Variants in AFG2A observed in about 807,000 individuals in gnomAD.
The protein encoded by AFG2A is AAA ATPase AFG2A, also known as ATPase family gene 2 protein homolog A.
At chr4:123,270,635 GA>G in the AFG2A span, among the ~76,000 whole-genome samples, 3 of 151,632 alleles carry the variant, frequency 2.0e-5, no homozygotes, top group Non-Finnish European at 4.4e-5. Flanking sequence ...ACTTAAGCAG[GA>G]AAAAAAATAA....
the AFG2A span, among the ~76,000 whole-genome samples, chr4:123,072,264 CAT>C: frequency 6.6e-6 from 1 of 152,158 alleles, no homozygotes; most frequent in Non-Finnish European, 1.5e-5. Flanking sequence ...GCAACTTACA[CAT>C]GTGTCAACTC....
At chr4:122,941,741 G>A in the AFG2A span, among the ~76,000 whole-genome samples, 1 of 151,302 alleles carries the variant, frequency 6.6e-6, no homozygotes, top group Non-Finnish European at 1.5e-5. Flanking sequence ...TCCAGTTTTT[G>A]CCTATTCAGT....
the AFG2A span, among the ~76,000 whole-genome samples, chr4:123,220,633 A>AAAAAC: frequency 2.3e-4 from 34 of 147,778 alleles, no homozygotes; most frequent in African/African-American, 8.2e-4. Flanking sequence ...AAAAAAAAAA[A>AAAAAC]AAAACCTGGA....
chr4:123,290,406 C>T, the AFG2A span, among the ~76,000 whole-genome samples: 1 of 152,122 alleles, frequency 6.6e-6, no homozygotes, highest in Non-Finnish European at 1.5e-5. Context: ...TTTCATTCTC[C>T]TGTGTATGGC....
the AFG2A span, among the ~76,000 whole-genome samples, chr4:123,238,034 T>C: frequency 1.3e-5 from 2 of 152,248 alleles, no homozygotes; most frequent in African/African-American, 2.4e-5. Context: ...CTCCCGTGCC[T>C]GGCTTGGCAG....
chr4:123,196,543 T>C, the AFG2A span, among the ~76,000 whole-genome samples: 1 of 152,132 alleles, frequency 6.6e-6, no homozygotes, highest in Non-Finnish European at 1.5e-5. Flanking sequence ...ATTTTTTTTT[T>C]CCACATGAGA....
At chr4:122,982,972 A>AT in the AFG2A span, among the ~76,000 whole-genome samples, 1 of 137,622 alleles carries the variant, frequency 7.3e-6, no homozygotes, top group Non-Finnish European at 1.5e-5. Flanking sequence ...GGTTCAAGTG[A>AT]TTCTCCTGCC....
the AFG2A span, among the ~76,000 whole-genome samples, chr4:123,134,567 G>A: frequency 6.8e-6 from 1 of 147,102 alleles, no homozygotes; most frequent in Non-Finnish European, 1.5e-5. Context: ...ACTATTCTGG[G>A]CCTTTGTGAT....
the AFG2A span, among the ~76,000 whole-genome samples, chr4:123,047,017 C>T: frequency 6.6e-6 from 1 of 152,092 alleles, no homozygotes; most frequent in East Asian, 1.9e-4. Context: ...CTTAGGTTGA[C>T]TCCATACCCT....
chr4:123,217,854 G>A, the AFG2A span, among the ~76,000 whole-genome samples: 2 of 152,018 alleles, frequency 1.3e-5, no homozygotes, highest in Admixed American at 1.3e-4. Context: ...CCATAAACCC[G>A]TTTTAATTTA....
the AFG2A span, among the ~76,000 whole-genome samples, chr4:123,000,805 G>A: frequency 1.4e-5 from 1 of 70,688 alleles, no homozygotes; most frequent in Non-Finnish European, 3.9e-5. Context: ...GTATCAGGAT[G>A]ATGCTGGCCT....
chr4:123,135,712 T>C, the AFG2A span, among the ~76,000 whole-genome samples: 2 of 152,202 alleles, frequency 1.3e-5, no homozygotes. Context: ...TTAAAGTATA[T>C]GGGATAGGCA....
At chr4:123,258,097 A>G in the AFG2A span, among the ~76,000 whole-genome samples, 1 of 152,202 alleles carries the variant, frequency 6.6e-6, no homozygotes, top group African/African-American at 2.4e-5. Flanking sequence ...GTTGTGTTCC[A>G]TAATGCTTGG....
At chr4:123,056,570 T>G in the AFG2A span, 8 of 529,242 alleles carry the variant, frequency 1.5e-5, no homozygotes. Flanking sequence ...TTTTTTTTTC[T>G]TCAGGTAAAT....
the AFG2A span, among the ~76,000 whole-genome samples, chr4:123,185,478 C>G: frequency 4.6e-5 from 7 of 152,148 alleles, no homozygotes; most frequent in African/African-American, 1.7e-4. Context: ...TATGTACCAC[C>G]TTACACTAAA....
At chr4:122,925,219 T>C in the AFG2A span, among the ~76,000 whole-genome samples, 1 of 152,204 alleles carries the variant, frequency 6.6e-6, no homozygotes, top group African/African-American at 2.4e-5. Context: ...CTCTTCTGCA[T>C]GCCATTCCCA....
At chr4:122,994,927 AT>A in the AFG2A span, among the ~76,000 whole-genome samples, 1 of 152,142 alleles carries the variant, frequency 6.6e-6, no homozygotes, top group East Asian at 1.9e-4. Context: ...CTAATTATAT[AT>A]TTAAAATTTA....
At chr4:122,979,572 C>T in the AFG2A span, among the ~76,000 whole-genome samples, 5 of 152,120 alleles carry the variant, frequency 3.3e-5, no homozygotes, top group South Asian at 4.2e-4. Context: ...TTCTGTGTAT[C>T]CTATACCCAG....
chr4:123,172,370 T>C, the AFG2A span, among the ~76,000 whole-genome samples: 1 of 152,222 alleles, frequency 6.6e-6, no homozygotes, highest in African/African-American at 2.4e-5. Context: ...TAATAGTCTT[T>C]GCATGATAAA....
Sources: gnomAD v4.1 joint callset for allele counts (sites outside exome capture counted in the v4.1 genomes callset) on GRCh38, gnomAD v4.1.1 for gene constraint, MANE v1.5 for transcripts, NCBI Gene and HGNC (gene_info 2026-07-23, HGNC 2026-07-21) for gene names.